The following CSMD1 variants were observed in gnomAD, a reference collection of about 807,000 sequenced individuals.
CSMD1 encodes CUB and sushi domain-containing protein 1.
CSMD1 carries 213 observed loss-of-function variants against 417.5 expected under a neutral mutation model. The observed-to-expected ratio is 0.51, with a 90% CI of 0.46 to 0.57. The LOEUF (loss-of-function observed/expected upper bound fraction) is 0.57. CSMD1 is among the 20% of genes least tolerant of loss of function. CSMD1 has a pLI of 0.00. For missense variants in CSMD1, 6,923 were observed against 4,529.7 expected, an observed-to-expected ratio of 1.53 and a Z score of -15.17; for synonymous variants, 2,862 against 1,736.8, an observed-to-expected ratio of 1.65 and a Z score of -16.11.
intron 5 of CSMD1, among the ~76,000 whole-genome samples, chr8:3,867,943 T>C (rs1805220740): frequency 1.3e-5 from 2 of 152,212 alleles, no homozygotes; most frequent in Admixed American, 6.5e-5. Flanking sequence ...CAGCCAATCT[T>C]TGTATGTCTT....
At chr8:4,909,297 C>G (rs1174757650) in intron 1 of CSMD1, among the ~76,000 whole-genome samples, 1 of 150,234 alleles carries the variant, frequency 6.7e-6, no homozygotes, top group Admixed American at 6.9e-5. Flanking sequence ...TATGACTTTT[C>G]TGAGAATTTT....
chr8:3,298,448 T>C (rs189562331), intron 25 of CSMD1, among the ~76,000 whole-genome samples: 2 of 150,528 alleles, frequency 1.3e-5, no homozygotes, highest in East Asian at 3.9e-4. Context: ...TTAATAAAAC[T>C]GTACAATCTC....
chr8:3,482,218 C>T (rs777102734), intron 11 of CSMD1, among the ~76,000 whole-genome samples: 1 of 152,024 alleles, frequency 6.6e-6, no homozygotes, highest in Non-Finnish European at 1.5e-5. Flanking sequence ...CTAGATATGC[C>T]ACTGAAATAT....
At chr8:4,729,202 G>A (rs970690686) in intron 1 of CSMD1, among the ~76,000 whole-genome samples, 1 of 152,132 alleles carries the variant, frequency 6.6e-6, no homozygotes, top group Admixed American at 6.5e-5. Context: ...AAATAAAAAT[G>A]CTGTTTAAAT....
At chr8:4,489,167 C>T (rs1409732070) in intron 2 of CSMD1, among the ~76,000 whole-genome samples, 1 of 152,164 alleles carries the variant, frequency 6.6e-6, no homozygotes, top group Admixed American at 6.5e-5. Context: ...CTGCCTCGGC[C>T]TCCCAAAATG....
chr8:3,357,753 C>T (rs907334561), intron 21 of CSMD1, among the ~76,000 whole-genome samples: 20 of 152,010 alleles, frequency 1.3e-4, no homozygotes, highest in African/African-American at 4.8e-4. Context: ...CCTATGATCA[C>T]CTGCAAAATA....
chr8:3,821,393 C>A (rs1801727081), intron 5 of CSMD1, among the ~76,000 whole-genome samples: 1 of 152,214 alleles, frequency 6.6e-6, no homozygotes, highest in African/African-American at 2.4e-5. Context: ...ATGGCACCAT[C>A]ACCACACACA....
chr8:4,790,669 A>G (rs1797640217), intron 1 of CSMD1, among the ~76,000 whole-genome samples: 4 of 152,178 alleles, frequency 2.6e-5, no homozygotes, highest in African/African-American at 9.7e-5. Flanking sequence ...GAACCCAGAA[A>G]TAAAGCCACA....
chr8:4,132,273 T>A (rs761674474), intron 3 of CSMD1, among the ~76,000 whole-genome samples: 5 of 150,468 alleles, frequency 3.3e-5, no homozygotes, highest in Non-Finnish European at 7.4e-5. Context: ...GAAAATTTTA[T>A]CCAAGGTGAT....
intron 37 of CSMD1, among the ~76,000 whole-genome samples, chr8:3,176,342 G>A (rs1448379668): frequency 6.9e-6 from 1 of 144,496 alleles, no homozygotes; most frequent in East Asian, 1.9e-4. Flanking sequence ...GAACATCTCT[G>A]AATGTTTTCA....
chr8:3,769,296 C>T (rs1293365222), intron 5 of CSMD1, among the ~76,000 whole-genome samples: 1 of 151,940 alleles, frequency 6.6e-6, no homozygotes, highest in Admixed American at 6.6e-5. Flanking sequence ...AAATAGTGGT[C>T]TTTAGTTAAA....
At chr8:4,699,411 T>C (rs1175274141) in intron 1 of CSMD1, among the ~76,000 whole-genome samples, 3 of 152,324 alleles carry the variant, frequency 2.0e-5, no homozygotes, top group African/African-American at 7.2e-5. Flanking sequence ...TATCATCTTT[T>C]AATGCCTGTT....
At chr8:4,769,806 C>T (rs773483668) in intron 1 of CSMD1, among the ~76,000 whole-genome samples, 11 of 152,222 alleles carry the variant, frequency 7.2e-5, no homozygotes, top group Non-Finnish European at 1.2e-4. Context: ...GCATTTTCTA[C>T]TTGGCATTTT....
intron 5 of CSMD1, among the ~76,000 whole-genome samples, chr8:3,850,202 CTT>C (rs1408807769): frequency 6.6e-6 from 1 of 152,244 alleles, no homozygotes; most frequent in Non-Finnish European, 1.5e-5. Context: ...ACTGTTTACA[CTT>C]TTCTTTATAT....
chr8:4,388,320 A>T (rs1240740080), intron 3 of CSMD1, among the ~76,000 whole-genome samples: 1 of 45,740 alleles, frequency 2.2e-5, no homozygotes, highest in Non-Finnish European at 4.2e-5. Context: ...ACACACACAC[A>T]GACACACACA....
At chr8:3,998,816 G>C (rs529319568) in intron 4 of CSMD1, among the ~76,000 whole-genome samples, 1 of 150,910 alleles carries the variant, frequency 6.6e-6, no homozygotes, top group Non-Finnish European at 1.5e-5. Context: ...AAGCTTCTTT[G>C]TTACATTTAT....
chr8:3,512,344 C>G (rs1797110942), intron 10 of CSMD1, among the ~76,000 whole-genome samples: 1 of 152,192 alleles, frequency 6.6e-6, no homozygotes, highest in South Asian at 2.1e-4. Context: ...TCAGCCTCTC[C>G]CCTAATACAG....
At chr8:4,854,952 C>T (rs926571121) in intron 1 of CSMD1, among the ~76,000 whole-genome samples, 2 of 152,204 alleles carry the variant, frequency 1.3e-5, no homozygotes, top group Non-Finnish European at 1.5e-5. Flanking sequence ...GGCTCCACCT[C>T]TGGGGGCAGG....
chr8:4,092,395 G>A (rs977944070), intron 3 of CSMD1, among the ~76,000 whole-genome samples: 1 of 152,030 alleles, frequency 6.6e-6, no homozygotes. Flanking sequence ...CCACCGTAAG[G>A]CAATGAACTT....
Sources: gnomAD v4.1 joint callset for allele counts (sites outside exome capture counted in the v4.1 genomes callset) on GRCh38, gnomAD v4.1.1 for gene constraint, MANE v1.5 for transcripts, NCBI Gene and HGNC (gene_info 2026-07-23, HGNC 2026-07-21) for gene names.